The following TRIM37 variants were observed in gnomAD, a reference collection of about 807,000 sequenced individuals.
TRIM37 encodes the protein tripartite motif containing 37.
A neutral mutation model predicts 129.8 loss-of-function variants in TRIM37; 80 were observed. The observed-to-expected ratio is 0.62, with a 90% CI of 0.51 to 0.74. The LOEUF is 0.74. Among genes scored for constraint, TRIM37 ranks in the 30% least tolerant of loss-of-function variants. TRIM37 has a pLI of 0.00. For synonymous variants in TRIM37, 389 were observed against 387.1 expected (o/e 1.00, Z -0.06); for missense variants, 1,054 against 1,176.5 (o/e 0.90, Z 1.52).
At position 59,079,831 on chromosome 17, in the gene TRIM37, C is replaced by G. The variant is rs755138541; in HGVS notation, c.539G>C (p.Arg180Pro). 1 of 1,614,048 alleles carries G rather than the reference C, an allele frequency of 6.2e-7. No individual in the cohort carries two copies. Among genetic ancestry groups the G allele is most frequent in the South Asian group, 1.1e-5 (1 of 91,086 alleles). Residue 180 changes from arginine (R) to proline (P), a missense_variant, in exon 7 of 24, where the codon CGG becomes CCG. Arg to Pro is a moderately radical substitution (Grantham distance 103). Coordinates refer to ENST00000262294, the MANE Select transcript of TRIM37 (RefSeq NM_015294.6). Reference sequence around the variant, plus strand: ...CATCTCCACTGCATTCCTAATTTCCCGAACACGCTCATCTTTTGCATTTCT... The same window carrying G: ...CATCTCCACTGCATTCCTAATTTCCGGAACACGCTCATCTTTTGCATTTCT... Reference protein sequence around the residue: ...AVRNAKDERVREIRNAVEMMI... With the variant: ...AVRNAKDERVPEIRNAVEMMI...
downstream of TRIM37, among the ~76,000 whole-genome samples, chr17:58,997,078 T>C (rs2033085730): frequency 6.6e-6 from 1 of 152,184 alleles, no homozygotes; most frequent in Non-Finnish European, 1.5e-5. Context: ...TGTGGGATCC[T>C]AGACCGGATC....
intron 19 of TRIM37, among the ~76,000 whole-genome samples, chr17:59,025,869 A>AT (rs2037195165): frequency 6.6e-6 from 1 of 152,172 alleles, no homozygotes; most frequent in East Asian, 1.9e-4. Flanking sequence ...ATTTCCTTGA[A>AT]TAGCAGGTGA....
chr17:58,988,700 C>T (rs1312118461), intron 24 of TRIM37, among the ~76,000 whole-genome samples: 5 of 152,070 alleles, frequency 3.3e-5, no homozygotes, highest in African/African-American at 1.2e-4. Flanking sequence ...AGAGAGAGAC[C>T]CTCTTGGAGA....
intron 17 of TRIM37, among the ~76,000 whole-genome samples, chr17:59,036,453 T>G (rs1035698839): frequency 7.0e-6 from 1 of 142,684 alleles, no homozygotes; most frequent in Admixed American, 7.9e-5. Context: ...TGGGGGTGTG[T>G]GTGTGTGTGT....
intron 19 of TRIM37, among the ~76,000 whole-genome samples, chr17:59,018,999 A>G (rs577947384): frequency 1.3e-5 from 2 of 152,328 alleles, no homozygotes; most frequent in African/African-American, 4.8e-5. Context: ...AAGAGGGACA[A>G]TAAGTGTTGC....
intron 21 of TRIM37, among the ~76,000 whole-genome samples, chr17:59,012,733 C>T (rs1248000786): frequency 6.6e-6 from 1 of 151,864 alleles, no homozygotes; most frequent in Admixed American, 6.6e-5. Flanking sequence ...AAAAATTAGC[C>T]AGATATGGTG....
In TRIM37 at chr17:59,028,466, C is replaced by T; in HGVS notation, c.2206G>A (p.Gly736Arg). The part of the protein sequence containing the change: ...TENSGRLQDL[G>R]MELLAKSSVA... ...GATGACTTTGCCAGGAGTTCCATTC[C>T]CAAATCCTGCAATCTGCCAGAGTTT... The change falls in exon 19 of 24, where the codon GGA (glycine) becomes AGA (arginine). Residue 736 changes from glycine to arginine, a missense_variant. Coordinates refer to ENST00000262294, the MANE Select transcript of TRIM37 (RefSeq NM_015294.6). 1.2e-6 allele frequency: 2 copies of T among 1,614,028 alleles called. No homozygotes were observed. Among genetic ancestry groups the T allele is most frequent in the Non-Finnish European group, 1.7e-6 (2 of 1,180,024 alleles).
intron 2 of TRIM37, among the ~76,000 whole-genome samples, chr17:59,101,655 C>CAAAAAAAAAA: frequency 1.7e-5 from 1 of 58,764 alleles, no homozygotes; most frequent in Non-Finnish European, 3.3e-5. Context: ...CCCATCTCTA[C>CAAAAAAAAAA]AAAAAAAAAA....
intron 21 of TRIM37, among the ~76,000 whole-genome samples, chr17:59,012,743 G>T (rs1002636062): frequency 1.3e-5 from 2 of 151,972 alleles, no homozygotes; most frequent in African/African-American, 4.8e-5. Context: ...CAGATATGGT[G>T]GTGGGCGCCT....
rs771846788 is a variant in TRIM37 at position 58,999,443 on chromosome 17, A to G, written c.2829T>C (p.Phe943=). The G allele has an allele frequency of 1.5e-5, 25 of 1,613,146 alleles. No individual in the cohort carries two copies. Among genetic ancestry groups the G allele is most frequent in the Non-Finnish European group, 2.1e-5 (25 of 1,179,552 alleles). The change falls in exon 24 of 24, where the codon TTT becomes TTC. Residue 943 remains phenylalanine, a synonymous_variant. Transcript: ENST00000262294. ...CAGGGCCTATTTGTTCACCATCAGGAAAACTGGAATGTGTATCTATGATTA... is the reference window on the plus strand; with the variant it reads ...CAGGGCCTATTTGTTCACCATCAGGGAAACTGGAATGTGTATCTATGATTA... ...QPPDEDTHSS[F]PDGEQIGPED...
chr17:58,980,977 A>C (rs139507695), downstream of TRIM37: 2 of 1,614,064 alleles, frequency 1.2e-6, no homozygotes, highest in Non-Finnish European at 1.7e-6. This position sits in a 1 kb window ranked among gnomAD's most constrained non-coding sequence, Gnocchi z 4.7. Flanking sequence ...GGAAGCTCAG[A>C]AAGACTCATG....
At chr17:59,055,332 C>CAA (rs34519741) in intron 13 of TRIM37, among the ~76,000 whole-genome samples, 1,222 of 65,640 alleles carry the variant, frequency 0.019, 50 homozygotes, top group African/African-American at 0.059. Context: ...AACTCTGTCT[C>CAA]AAAAAAAAAA....
intron 17 of TRIM37, among the ~76,000 whole-genome samples, chr17:59,038,838 T>C (rs2038835000): frequency 6.6e-6 from 1 of 152,284 alleles, no homozygotes; most frequent in Middle Eastern, 3.4e-3. Context: ...TTCTTCTTTT[T>C]TCTAGAAGCT....
intron 11 of TRIM37, 94 bp downstream of exon 11, chr17:59,062,473 G>C: frequency 2.0e-6 from 2 of 989,950 alleles, no homozygotes; most frequent in East Asian, 2.6e-5. Context: ...AAAAAAAGAA[G>C]AGTTAACAGT....
In TRIM37 at chr17:59,031,931, T is replaced by C. The variant is rs373558056; in HGVS notation, c.1913A>G (p.Gln638Arg). The change falls in exon 18 of 24, where the codon CAG (glutamine) becomes CGG (arginine). Residue 638 changes from glutamine to arginine, a missense_variant. Transcript: ENST00000262294. Reference sequence around the variant, plus strand: ...CAGAAGTGAAGCAGGTGGGCGAGGCTGTAAGCCCCACAAATTTTCTATACT... The same window carrying C: ...CAGAAGTGAAGCAGGTGGGCGAGGCCGTAAGCCCCACAAATTTTCTATACT... ...RSSIENLWGLQPRPPASLLQP... is the reference protein window; with the variant it reads ...RSSIENLWGLRPRPPASLLQP... 6.2e-7 allele frequency: 1 copy of C among 1,614,102 alleles called. No homozygotes were observed. Among genetic ancestry groups the C allele is most frequent in the Admixed American group, 1.7e-5 (1 of 59,992 alleles).
chr17:59,096,144 A>C (rs2044834748), intron 2 of TRIM37, among the ~76,000 whole-genome samples: 1 of 152,226 alleles, frequency 6.6e-6, no homozygotes, highest in South Asian at 2.1e-4. Flanking sequence ...TGTAAGAATG[A>C]GTAATTATCA....
At chr17:59,022,980 G>A (rs780675979) in intron 19 of TRIM37, among the ~76,000 whole-genome samples, 10 of 151,880 alleles carry the variant, frequency 6.6e-5, no homozygotes, top group Admixed American at 1.3e-4. Context: ...CTTAATATTC[G>A]AATTTTTTTC....
At chr17:58,993,873 A>G (rs2032700879), downstream of TRIM37, among the ~76,000 whole-genome samples, 1 of 152,234 alleles carries the variant, frequency 6.6e-6, no homozygotes, top group African/African-American at 2.4e-5. Context: ...ATCACAATGA[A>G]GGGATTTTGT....
intron 18 of TRIM37, among the ~76,000 whole-genome samples, chr17:59,029,286 A>C (rs556975485): frequency 6.6e-6 from 1 of 152,302 alleles, no homozygotes; most frequent in African/African-American, 2.4e-5. Context: ...TTTTTATTAG[A>C]ACTTCCATTT....
Sources: gnomAD v4.1 joint callset for allele counts (sites outside exome capture counted in the v4.1 genomes callset) on GRCh38, gnomAD v4.1.1 for gene constraint, Gnocchi (gnomAD v3.1) non-coding constraint, MANE v1.5 for transcripts, NCBI Gene and HGNC (gene_info 2026-07-23, HGNC 2026-07-21) for gene names.